Variants in SCAF8 observed in about 807,000 individuals in gnomAD.
SCAF8 encodes the protein SR-related CTD associated factor 8.
SCAF8 carries 23 observed loss-of-function variants against 140.5 expected under a neutral mutation model. That is an observed-to-expected ratio of 0.16 (90% CI 0.12 to 0.23). The LOEUF is 0.23. SCAF8 is among the 10% of genes least tolerant of loss of function. The pLI, the probability that SCAF8 is intolerant of heterozygous loss-of-function variation, is 1.00. For missense variants in SCAF8, 1,397 were observed against 1,555.7 expected (o/e 0.90, Z 1.72); for synonymous variants, 575 against 528.9 (o/e 1.09, Z -1.20).
At chr6:154,770,970 C>T (rs1482620502) in intron 1 of SCAF8, among the ~76,000 whole-genome samples, 2 of 152,180 alleles carry the variant, frequency 1.3e-5, no homozygotes, top group African/African-American at 4.8e-5. Context: ...GTCTCACACT[C>T]CTGGCCTCAA....
chr6:154,759,152 CTTGAG>C (rs1779038357), intron 1 of SCAF8, among the ~76,000 whole-genome samples: 1 of 152,022 alleles, frequency 6.6e-6, no homozygotes, highest in Admixed American at 6.6e-5. Context: ...TGCTTTTTGT[CTTGAG>C]TTGGGGATTT....
chr6:154,776,405 G>A (rs1776919821), intron 2 of SCAF8, among the ~76,000 whole-genome samples: 2 of 151,964 alleles, frequency 1.3e-5, no homozygotes, highest in South Asian at 4.1e-4. Context: ...GAAATGATTA[G>A]TGAGTGATGG....
chr6:154,829,125 C>T (rs983388540), intron 18 of SCAF8, among the ~76,000 whole-genome samples: 8 of 151,910 alleles, frequency 5.3e-5, no homozygotes, highest in Non-Finnish European at 1.0e-4. Context: ...TGCACATGTA[C>T]CCCTGAACAT....
chr6:154,753,668 A>G (rs995256534), intron 1 of SCAF8, among the ~76,000 whole-genome samples: 9 of 152,164 alleles, frequency 5.9e-5, no homozygotes, highest in African/African-American at 1.9e-4. Flanking sequence ...TACAATGTAC[A>G]TATTTATAAT....
chr6:154,734,586 C>T (rs1582985350), intron 1 of SCAF8, among the ~76,000 whole-genome samples: 1 of 152,170 alleles, frequency 6.6e-6, no homozygotes, highest in East Asian at 1.9e-4. Context: ...GAGATCTGTG[C>T]ATCGAGAGAT....
rs766044209 is a variant in SCAF8, at chr6:154,808,160, C to T, written c.1072C>T (p.Pro358Ser). 1.4e-5 allele frequency: 22 copies of T among 1,613,774 alleles called. No individual in the cohort carries two copies. The highest frequency in any genetic ancestry group is 1.8e-5 in the Non-Finnish European group (21 of 1,179,804). ...GAGTAGTCAGCAGCATTTTCTTGAA[C>T]CTGAAGTCAATTTGGATGATTCCAT... ...QGSSQQHFLE[P>S]EVNLDDSIDI... is the part of the protein sequence containing the mutation. The change falls in exon 10 of 20, where the codon CCT becomes TCT. Residue 358 changes from proline (P) to serine (S), a missense_variant. This residue lies in a region of SCAF8 where 339 missense variants were observed against 407.5 expected (regional missense o/e 0.83). Coordinates refer to ENST00000367178, the MANE Select transcript of SCAF8 (RefSeq NM_014892.5).
chr6:154,740,116 T>G (rs931546538), intron 1 of SCAF8, among the ~76,000 whole-genome samples: 4 of 152,176 alleles, frequency 2.6e-5, no homozygotes, highest in African/African-American at 9.7e-5. Context: ...CTTGTGAAAG[T>G]CCTTTAAAGA....
chr6:154,766,919 C>T (rs1776588614), intron 1 of SCAF8, among the ~76,000 whole-genome samples: 1 of 151,984 alleles, frequency 6.6e-6, no homozygotes, highest in Non-Finnish European at 1.5e-5. Context: ...TTATAGGCTA[C>T]AGTGTATAAT....
intron 15 of SCAF8, among the ~76,000 whole-genome samples, chr6:154,820,903 T>A (rs1377542440): frequency 6.6e-6 from 1 of 152,154 alleles, no homozygotes; most frequent in African/African-American, 2.4e-5. Context: ...CAATAGGAAA[T>A]CTAAACATTT....
At chr6:154,790,382 A>G (rs1302137399) in intron 4 of SCAF8, among the ~76,000 whole-genome samples, 1 of 152,066 alleles carries the variant, frequency 6.6e-6, no homozygotes, top group Non-Finnish European at 1.5e-5. Context: ...TAGTTTGGAC[A>G]TAGTTTAAAA....
Position 154,778,015 on chromosome 6 carries a change from G to A in SCAF8, c.129G>A (p.Val43=). 6.6e-7 allele frequency: 1 copy of A among 1,515,852 alleles called. No individual in the cohort carries two copies. The highest frequency in any genetic ancestry group is 2.3e-5 in the East Asian group (1 of 44,154). 93.9% of individuals were successfully genotyped at this position (1,515,852 alleles called of 1,614,324 possible). A position where few individuals can be genotyped will look rare whatever the true frequency, so the allele number is the denominator to read the frequency against. The part of the protein sequence containing the change: ...AIKAIKFYKH[V]VQSVEKFIQK... Reference sequence around the variant, plus strand: ...TCCTCTTTTAGTTCTATAAACATGTGGTACAGAGTGTTGAGAAGTTTATTC... The same window carrying A: ...TCCTCTTTTAGTTCTATAAACATGTAGTACAGAGTGTTGAGAAGTTTATTC... The change falls in exon 3 of 20, where the codon GTG becomes GTA. Residue 43 remains valine, a synonymous_variant. Transcript: ENST00000367178.
At chr6:154,743,661 A>G (rs1778626484) in intron 1 of SCAF8, among the ~76,000 whole-genome samples, 1 of 152,172 alleles carries the variant, frequency 6.6e-6, no homozygotes, top group Non-Finnish European at 1.5e-5. Flanking sequence ...AGATTTCTGT[A>G]CAGTGATCAA....
intron 2 of SCAF8, among the ~76,000 whole-genome samples, chr6:154,777,768 G>C (rs1057015395): frequency 6.6e-6 from 1 of 152,164 alleles, no homozygotes; most frequent in Non-Finnish European, 1.5e-5. Context: ...CTGTGGTAAG[G>C]TAATGCACTT....
intron 1 of SCAF8, among the ~76,000 whole-genome samples, chr6:154,761,917 T>G (rs1776412976): frequency 1.3e-5 from 2 of 152,168 alleles, no homozygotes; most frequent in African/African-American, 4.8e-5. Flanking sequence ...CAAAATCAGT[T>G]TATTAATGAA....
intron 3 of SCAF8, among the ~76,000 whole-genome samples, chr6:154,778,504 C>T (rs1776980376): frequency 6.6e-6 from 1 of 152,168 alleles, no homozygotes; most frequent in South Asian, 2.1e-4. Flanking sequence ...ATGGCCCACA[C>T]CTGTAATCCC....
chr6:154,783,307 CTATT>C (rs567033361), intron 3 of SCAF8, among the ~76,000 whole-genome samples: 82 of 152,228 alleles, frequency 5.4e-4, no homozygotes, highest in Non-Finnish European at 8.7e-4. Context: ...TCATTCAGAA[CTATT>C]TATTTTGATA....
Position 154,832,380 on chromosome 6 carries a change from C to T in SCAF8, c.2801C>T (p.Ala934Val). The T allele has an allele frequency of 6.2e-7, 1 of 1,614,074 alleles. No individual in the cohort carries two copies. Among genetic ancestry groups the T allele is most frequent in the South Asian group, 1.1e-5 (1 of 91,082 alleles). Residue 934 changes from alanine to valine, a missense_variant, in exon 20 of 20, where the codon GCA (alanine) becomes GTA (valine). This residue lies in a region of SCAF8 where 930 missense variants were observed against 874.6 expected (regional missense o/e 1.06). Coordinates refer to ENST00000367178, the MANE Select transcript of SCAF8 (RefSeq NM_014892.5). ...LDIRPGLIPQAPGPRFPLIQP... is the reference protein window; with the variant it reads ...LDIRPGLIPQVPGPRFPLIQP... ...ATTCGTCCGGGACTAATACCACAGG[C>T]ACCTGGGCCAAGATTCCCTTTAATA...
At chr6:154,782,566 T>C (rs1328707713) in intron 3 of SCAF8, among the ~76,000 whole-genome samples, 1 of 152,096 alleles carries the variant, frequency 6.6e-6, no homozygotes, top group Non-Finnish European at 1.5e-5. Context: ...ACAGAACTAA[T>C]AGGATATGTG....
intron 1 of SCAF8, among the ~76,000 whole-genome samples, chr6:154,760,389 G>T (rs954910228): frequency 1.3e-5 from 2 of 152,028 alleles, no homozygotes; most frequent in African/African-American, 4.8e-5. Context: ...AGATTAGATA[G>T]ATTTAATCTT....
Sources: allele counts gnomAD v4.1 joint callset (sites outside exome capture counted in the v4.1 genomes callset), GRCh38; gene constraint gnomAD v4.1.1; regional missense constraint gnomAD v4.1.1; transcripts MANE v1.5; gene names NCBI Gene and HGNC (gene_info 2026-07-23, HGNC 2026-07-21).